Variants in SETBP1 observed in about 807,000 individuals in gnomAD.
The protein encoded by SETBP1 is SET binding protein 1.
A neutral mutation model predicts 101.0 loss-of-function variants in SETBP1; 9 were observed. That is an observed-to-expected ratio of 0.09 (90% CI 0.05 to 0.16). The LOEUF (loss-of-function observed/expected upper bound fraction) is 0.16, where lower values mean the gene tolerates loss of function less well. Ranked by LOEUF, SETBP1 falls within the 10% of genes least tolerant of loss-of-function variation. The pLI, the probability that SETBP1 is intolerant of heterozygous loss-of-function variation, is 1.00. For synonymous variants in SETBP1, 818 were observed against 788.5 expected (o/e 1.04, Z -0.63); for missense variants, 1,858 against 2,033.8 (o/e 0.91, Z 1.66).
intron 2 of SETBP1, among the ~76,000 whole-genome samples, chr18:44,711,437 TCCC>T (rs1220961040): frequency 1.6e-4 from 21 of 134,914 alleles, no homozygotes; most frequent in African/African-American, 5.9e-4. Flanking sequence ...CCTTCCTTCC[TCCC>T]TTCCTTCCTT....
intron 5 of SETBP1, among the ~76,000 whole-genome samples, chr18:45,049,025 C>T (rs2073674873): frequency 6.6e-6 from 1 of 151,126 alleles, no homozygotes; most frequent in Admixed American, 6.6e-5. Flanking sequence ...TAGCCCCTGC[C>T]CCAGAGGAGC....
intron 2 of SETBP1, among the ~76,000 whole-genome samples, chr18:44,855,414 A>G (rs2072955741): frequency 6.6e-6 from 1 of 152,160 alleles, no homozygotes; most frequent in South Asian, 2.1e-4. Flanking sequence ...AAGTCTGACT[A>G]CCCTCACACC....
chr18:44,995,122 AC>A (rs1343890581), intron 4 of SETBP1, among the ~76,000 whole-genome samples: 1 of 148,616 alleles, frequency 6.7e-6, no homozygotes, highest in African/African-American at 2.5e-5. Flanking sequence ...TAGACAACTG[AC>A]CATGTTATTT....
At chr18:44,711,353 C>T (rs1170432275) in intron 2 of SETBP1, among the ~76,000 whole-genome samples, 2 of 74,936 alleles carry the variant, frequency 2.7e-5, no homozygotes, top group Non-Finnish European at 4.9e-5. Context: ...ACCCACAGCT[C>T]GTTTGCTTCC....
At chr18:44,824,444 T>C (rs1278432463) in intron 2 of SETBP1, among the ~76,000 whole-genome samples, 3 of 152,194 alleles carry the variant, frequency 2.0e-5, no homozygotes, top group African/African-American at 7.2e-5. Context: ...GATTCTATTC[T>C]CTCTGTGGTA....
intron 2 of SETBP1, among the ~76,000 whole-genome samples, chr18:44,858,900 G>A (rs979952889): frequency 6.6e-6 from 1 of 152,044 alleles, no homozygotes; most frequent in Non-Finnish European, 1.5e-5. Context: ...CCACCTATAT[G>A]ATCATGATAT....
chr18:44,809,070 A>G (rs2071806733), intron 2 of SETBP1, among the ~76,000 whole-genome samples: 1 of 152,180 alleles, frequency 6.6e-6, no homozygotes, highest in African/African-American at 2.4e-5. Flanking sequence ...CTATTCAACT[A>G]CTGGAAGGTT....
chr18:44,925,011 T>TGTTTTG (rs57235356), intron 3 of SETBP1, among the ~76,000 whole-genome samples: 6 of 113,936 alleles, frequency 5.3e-5, no homozygotes, highest in Admixed American at 9.4e-5. Flanking sequence ...GTGTGAGTTT[T>TGTTTTG]TTTTTTTTTT....
intron 2 of SETBP1, among the ~76,000 whole-genome samples, chr18:44,842,344 G>T (rs2072633598): frequency 6.6e-6 from 1 of 152,162 alleles, no homozygotes; most frequent in Admixed American, 6.5e-5. Flanking sequence ...CGGACATTAT[G>T]AACCATTTAC....
intron 2 of SETBP1, among the ~76,000 whole-genome samples, chr18:44,748,349 T>G (rs938055694): frequency 1.3e-5 from 2 of 152,234 alleles, no homozygotes; most frequent in African/African-American, 4.8e-5. Flanking sequence ...TTTAGACATG[T>G]AGGCCTAGAG....
chr18:44,770,076 C>T (rs1397392257), intron 2 of SETBP1, among the ~76,000 whole-genome samples: 1 of 152,232 alleles, frequency 6.6e-6, no homozygotes, highest in Non-Finnish European at 1.5e-5. Context: ...TCTTTCCCCT[C>T]CTCCCAGCTC....
At chr18:44,877,357 C>G in intron 3 of SETBP1, 1 of 967,864 alleles carries the variant, frequency 1.0e-6, no homozygotes, top group Non-Finnish European at 1.2e-6. Context: ...TTGATAAGCT[C>G]TGTTCTAGTT....
intron 2 of SETBP1, among the ~76,000 whole-genome samples, chr18:44,754,999 G>T (rs972582920): frequency 1.3e-5 from 2 of 152,068 alleles, no homozygotes; most frequent in African/African-American, 2.4e-5. Flanking sequence ...CCAAATTTCT[G>T]GAATCTATCT....
chr18:44,993,484 A>T (rs1331957606), intron 4 of SETBP1, among the ~76,000 whole-genome samples: 1 of 152,070 alleles, frequency 6.6e-6, no homozygotes, highest in African/African-American at 2.4e-5. Flanking sequence ...TCCTTTTGAT[A>T]TATTTTTCTA....
intron 2 of SETBP1, among the ~76,000 whole-genome samples, chr18:44,823,654 T>C (rs1162242647): frequency 6.6e-6 from 1 of 152,164 alleles, no homozygotes. Flanking sequence ...GCAGACCCCT[T>C]GTTTATGAGA....
intron 4 of SETBP1, among the ~76,000 whole-genome samples, chr18:44,998,649 T>C (rs565810452): frequency 1.3e-5 from 2 of 152,184 alleles, no homozygotes; most frequent in Admixed American, 1.3e-4. Context: ...CACCCACCAA[T>C]GTGTCTTCTG....
chr18:44,995,268 A>C (rs1344374789), intron 4 of SETBP1, among the ~76,000 whole-genome samples: 1 of 149,742 alleles, frequency 6.7e-6, no homozygotes. Flanking sequence ...CAGCCTCCCG[A>C]GTAGCTGGGA....
intron 2 of SETBP1, among the ~76,000 whole-genome samples, chr18:44,833,548 G>A (rs1802825668): frequency 6.6e-6 from 1 of 152,218 alleles, no homozygotes. Flanking sequence ...AGAAGTGGCA[G>A]ACAAAATAGG....
chr18:44,893,164 C>T (rs2069811765), intron 3 of SETBP1, among the ~76,000 whole-genome samples: 1 of 152,130 alleles, frequency 6.6e-6, no homozygotes, highest in African/African-American at 2.4e-5. Context: ...AATTCCTTCT[C>T]ATCTTCTTAA....
Sources: gnomAD v4.1 joint callset for allele counts (sites outside exome capture counted in the v4.1 genomes callset) on GRCh38, gnomAD v4.1.1 for gene constraint, MANE v1.5 for transcripts, NCBI Gene and HGNC (gene_info 2026-07-23, HGNC 2026-07-21) for gene names.